Variants in HOOK3 observed in about 807,000 individuals in gnomAD.
HOOK3 encodes hook microtubule tethering protein 3.
In HOOK3, 24 loss-of-function variants were observed where a neutral mutation model predicts 116.3. The ratio of observed to expected loss-of-function variants is 0.21; its 90% CI spans 0.15 to 0.29. The LOEUF (loss-of-function observed/expected upper bound fraction) is 0.29. HOOK3 is among the 10% of genes least tolerant of loss of function. HOOK3 has a pLI of 1.00. For missense variants in HOOK3, 632 were observed against 830.2 expected, an observed-to-expected ratio of 0.76 and a Z score of 2.93; for synonymous variants, 275 against 283.0, an observed-to-expected ratio of 0.97 and a Z score of 0.28.
chr8:42,936,384 T>C (rs1043628415), intron 4 of HOOK3, among the ~76,000 whole-genome samples: 16 of 152,214 alleles, frequency 1.1e-4, no homozygotes, highest in Admixed American at 4.6e-4. Flanking sequence ...CCTTTATTTC[T>C]TTTTCTTGCC....
intron 4 of HOOK3, among the ~76,000 whole-genome samples, chr8:42,940,940 T>TTATC (rs1222803884): frequency 6.6e-6 from 1 of 151,946 alleles, no homozygotes; most frequent in Non-Finnish European, 1.5e-5. Flanking sequence ...ATTTATTTAT[T>TTATC]TATTTACTTA....
At chr8:42,897,319 G>A (rs1206578523) in intron 1 of HOOK3, 131 bp downstream of exon 1, 3 of 527,582 alleles carry the variant, frequency 5.7e-6, no homozygotes, top group Non-Finnish European at 8.7e-6. Context: ...GGCGGGCGGG[G>A]CGAGGAGGCT....
chr8:42,930,089 T>A (rs757268379), intron 3 of HOOK3, 33 bp from the exon 4 acceptor site: 2 of 1,546,848 alleles, frequency 1.3e-6, no homozygotes, highest in Non-Finnish European at 8.7e-7. Context: ...CTGTCTTGCC[T>A]TTTACCCAGT....
Position 43,029,742 on chromosome 8 carries a change from C to CT in HOOK3, c.*11252dup, listed in dbSNP as rs35453507. The CT allele has an allele frequency of 3.0e-5, 6 of 199,974 alleles. No homozygotes were observed. Among genetic ancestry groups the CT allele is most frequent in the Non-Finnish European group, 5.1e-5 (5 of 97,102 alleles). The allele number at this position is 199,974 out of a possible 1,614,324, so 12.4% of individuals were successfully genotyped here. A position where few individuals can be genotyped will look rare whatever the true frequency, so the allele number is the denominator to read the frequency against. On this transcript the variant is annotated 3_prime_UTR_variant, in exon 22 of 22. Coordinates refer to ENST00000307602, the MANE Select transcript of HOOK3 (RefSeq NM_032410.4). ...CAAAAAACTTGGGGATAGAAAGAGG[C>CT]TTTTTTTTCCCCCTGTAGTATTTTT...
chr8:42,978,186 G>GT (rs1294658590), intron 13 of HOOK3, among the ~76,000 whole-genome samples: 2 of 152,104 alleles, frequency 1.3e-5, no homozygotes, highest in East Asian at 1.9e-4. Context: ...AAAAAGTTGT[G>GT]TTTTTTCCTA....
intron 6 of HOOK3, among the ~76,000 whole-genome samples, chr8:42,951,353 C>T (rs139866847): frequency 3.3e-5 from 5 of 152,306 alleles, no homozygotes; most frequent in Non-Finnish European, 4.4e-5. Flanking sequence ...TGAGCCACGG[C>T]GCCCGGCCAA....
intron 4 of HOOK3, among the ~76,000 whole-genome samples, chr8:42,937,249 T>C (rs1807988996): frequency 6.6e-6 from 1 of 152,154 alleles, no homozygotes; most frequent in African/African-American, 2.4e-5. Context: ...TTTATCATTT[T>C]TTATTGTGTC....
intron 10 of HOOK3, among the ~76,000 whole-genome samples, 197 bp downstream of exon 10, chr8:42,966,810 A>G (rs1434623748): frequency 6.6e-6 from 1 of 152,144 alleles, no homozygotes; most frequent in Non-Finnish European, 1.5e-5. Context: ...GGTTTATATG[A>G]GGAGTTGAGT....
intron 15 of HOOK3, among the ~76,000 whole-genome samples, chr8:42,992,120 G>A (rs1250303303): frequency 6.6e-6 from 1 of 151,970 alleles, no homozygotes; most frequent in African/African-American, 2.4e-5. Flanking sequence ...CTGATTTTTG[G>A]CTGGGCCCGG....
intron 21 of HOOK3, among the ~76,000 whole-genome samples, chr8:43,015,163 A>G (rs1435660406): frequency 2.0e-5 from 3 of 152,134 alleles, no homozygotes; most frequent in Non-Finnish European, 4.4e-5. Context: ...CAAAAACTGC[A>G]TATCTAAGAT....
chr8:42,938,691 G>GCTTTT (rs1050763339), intron 4 of HOOK3, among the ~76,000 whole-genome samples: 1 of 148,376 alleles, frequency 6.7e-6, no homozygotes, highest in African/African-American at 2.6e-5. Flanking sequence ...GGTTGAAAAT[G>GCTTTT]CTTTTCTTTT....
At position 43,027,394 on chromosome 8, in the gene HOOK3, T is replaced by C; in HGVS notation, c.*8896T>C. 1 of 403,578 alleles carries C rather than the reference T, an allele frequency of 2.5e-6. No individual in the cohort carries two copies. Among genetic ancestry groups the C allele is most frequent in the Non-Finnish European group, 4.6e-6 (1 of 217,680 alleles). The allele number at this position is 403,578 out of a possible 1,614,324, so 25.0% of individuals were successfully genotyped here. Reference sequence around the variant, plus strand: ...ACTGCCAAAGAATAGAGAGATTTGCTTATGAGAACATTCTGTCATTTGTTC... The same window carrying C: ...ACTGCCAAAGAATAGAGAGATTTGCCTATGAGAACATTCTGTCATTTGTTC... On this transcript the variant is annotated 3_prime_UTR_variant, in exon 22 of 22. Coordinates refer to ENST00000307602, the MANE Select transcript of HOOK3 (RefSeq NM_032410.4).
At chr8:42,903,779 C>A (rs1375906111) in intron 1 of HOOK3, among the ~76,000 whole-genome samples, 2 of 151,624 alleles carry the variant, frequency 1.3e-5, no homozygotes, top group East Asian at 4.0e-4. Context: ...CACGGTGAAA[C>A]CCTGTCTCTA....
chr8:42,944,107 G>A (rs2130386847), intron 5 of HOOK3, among the ~76,000 whole-genome samples: 1 of 152,164 alleles, frequency 6.6e-6, no homozygotes, highest in South Asian at 2.1e-4. Flanking sequence ...TTAAATAATT[G>A]TAAAACTCTT....
intron 6 of HOOK3, among the ~76,000 whole-genome samples, chr8:42,954,681 C>G (rs1174463927): frequency 6.6e-6 from 1 of 152,076 alleles, no homozygotes; most frequent in Non-Finnish European, 1.5e-5. Context: ...CAGTATGTAC[C>G]AAGCACTGTA....
chr8:42,992,991 C>A (rs1809196527), intron 15 of HOOK3, among the ~76,000 whole-genome samples: 1 of 151,902 alleles, frequency 6.6e-6, no homozygotes, highest in Non-Finnish European at 1.5e-5. Context: ...TCCTTTTATA[C>A]CTAGTTTTTT....
At chr8:42,949,732 A>G (rs1216359176) in intron 5 of HOOK3, among the ~76,000 whole-genome samples, 2 of 152,074 alleles carry the variant, frequency 1.3e-5, no homozygotes, top group Non-Finnish European at 2.9e-5. Context: ...ATCCTGGCCA[A>G]CATGGTGAAA....
intron 8 of HOOK3, among the ~76,000 whole-genome samples, chr8:42,963,956 C>T (rs1808582013): frequency 6.6e-6 from 1 of 152,190 alleles, no homozygotes; most frequent in African/African-American, 2.4e-5. Flanking sequence ...GCCTGTAATC[C>T]CAGCACTTTG....
intron 1 of HOOK3, among the ~76,000 whole-genome samples, chr8:42,898,078 A>C (rs745814082): frequency 6.6e-6 from 1 of 152,252 alleles, no homozygotes; most frequent in Non-Finnish European, 1.5e-5. Flanking sequence ...TAAAGGTAAA[A>C]CACGAATGTG....
Sources: allele counts gnomAD v4.1 joint callset (sites outside exome capture counted in the v4.1 genomes callset), GRCh38; gene constraint gnomAD v4.1.1; transcripts MANE v1.5; gene names NCBI Gene and HGNC (gene_info 2026-07-23, HGNC 2026-07-21).